The following GRM3 variants were observed in gnomAD, a reference collection of about 807,000 sequenced individuals.
GRM3 encodes glutamate metabotropic receptor 3, also known as metabotropic glutamate receptor 3.
Under a neutral mutation model 70.5 loss-of-function variants are expected in GRM3, and 26 were observed. The observed-to-expected ratio is 0.37, with a 90% CI of 0.27 to 0.51. GRM3 has a LOEUF of 0.51. Among genes scored for constraint, GRM3 ranks in the 20% least tolerant of loss-of-function variants. The pLI is 0.93. For synonymous variants in GRM3, 443 were observed against 434.9 expected, an observed-to-expected ratio of 1.02 and a Z score of -0.23; for missense variants, 859 against 1,123.8, an observed-to-expected ratio of 0.76 and a Z score of 3.37.
chr7:86,662,050 A>G (rs1451786259), intron 1 of GRM3, among the ~76,000 whole-genome samples: 1 of 151,968 alleles, frequency 6.6e-6, no homozygotes, highest in Non-Finnish European at 1.5e-5. Flanking sequence ...TTGCAAGCAC[A>G]CAAACTGCCT....
chr7:86,761,219 A>T (rs1584221585), intron 1 of GRM3, among the ~76,000 whole-genome samples: 1 of 152,150 alleles, frequency 6.6e-6, no homozygotes, highest in African/African-American at 2.4e-5. Context: ...TGTTCAATAA[A>T]TATTTCATAA....
chr7:86,852,928 CCTGA>C (rs539598194), intron 5 of GRM3, among the ~76,000 whole-genome samples: 23 of 152,248 alleles, frequency 1.5e-4, no homozygotes, highest in Non-Finnish European at 2.2e-4. Context: ...AGCCTGATTT[CCTGA>C]CTTTCAATTA....
chr7:86,665,193 G>C (rs1267567042), intron 1 of GRM3, among the ~76,000 whole-genome samples: 1 of 151,912 alleles, frequency 6.6e-6, no homozygotes, highest in Admixed American at 6.6e-5. Flanking sequence ...AAGAAAATGA[G>C]GTAAAGTAAA....
chr7:86,834,102 A>T (rs1417297091), intron 3 of GRM3, among the ~76,000 whole-genome samples: 1 of 152,138 alleles, frequency 6.6e-6, no homozygotes, highest in Non-Finnish European at 1.5e-5. Context: ...AATTATCTTT[A>T]TACTATTTTA....
intron 3 of GRM3, among the ~76,000 whole-genome samples, chr7:86,825,585 C>A (rs915393320): frequency 2.0e-5 from 3 of 152,160 alleles, no homozygotes; most frequent in African/African-American, 2.4e-5. Context: ...AATGCATGTC[C>A]ATGCATTCAT....
At chr7:86,650,679 G>A (rs778303247) in intron 1 of GRM3, among the ~76,000 whole-genome samples, 13 of 152,186 alleles carry the variant, frequency 8.5e-5, no homozygotes, top group Non-Finnish European at 1.8e-4. Flanking sequence ...AGGTCTGAAA[G>A]TGTGAGGAAA....
At chr7:86,764,878 C>A (rs1055362913) in intron 1 of GRM3, 128 bp from the exon 2 acceptor site, 4 of 426,620 alleles carry the variant, frequency 9.4e-6, no homozygotes, top group Non-Finnish European at 1.6e-5. Flanking sequence ...GTGCCTGGTG[C>A]TGTGGTGTAC....
In GRM3 at chr7:86,864,646, A is replaced by C. The variant is rs1311612611; in HGVS notation, c.*291A>C. On this transcript the variant is annotated 3_prime_UTR_variant, in exon 6 of 6. Coordinates refer to ENST00000361669, the MANE Select transcript of GRM3 (RefSeq NM_000840.3). ...GTCAGTCTACTAAAAAACAAAAAAA[A>C]AAAACAAAAAAAAAAAAACAAAAGA... 4.9e-6 allele frequency: 1 copy of C among 204,478 alleles called. No homozygotes were observed. The highest frequency in any genetic ancestry group is 1.9e-4 in the South Asian group (1 of 5,190). 12.7% of individuals were successfully genotyped at this position (204,478 alleles called of 1,614,324 possible). A position where few individuals can be genotyped will look rare whatever the true frequency, so the allele number is the denominator to read the frequency against.
intron 1 of GRM3, among the ~76,000 whole-genome samples, chr7:86,764,774 C>G (rs138254466): frequency 3.5e-4 from 53 of 152,148 alleles, no homozygotes; most frequent in African/African-American, 1.3e-3. Context: ...GTAAGGTCAC[C>G]TCCTTGACCC....
intron 1 of GRM3, among the ~76,000 whole-genome samples, chr7:86,696,960 G>C (rs1794832909): frequency 6.6e-6 from 1 of 152,062 alleles, no homozygotes; most frequent in South Asian, 2.1e-4. Flanking sequence ...TTTCTCCCTT[G>C]TTCTCAGATT....
intron 3 of GRM3, among the ~76,000 whole-genome samples, chr7:86,803,465 T>C (rs1437836356): frequency 6.6e-6 from 1 of 152,234 alleles, no homozygotes; most frequent in African/African-American, 2.4e-5. Flanking sequence ...AAGGAAAGTA[T>C]ACTTTGTTTT....
chr7:86,711,611 C>T (rs1795202033), intron 1 of GRM3, among the ~76,000 whole-genome samples: 1 of 152,108 alleles, frequency 6.6e-6, no homozygotes, highest in Non-Finnish European at 1.5e-5. Context: ...CTTCATCTGG[C>T]TTAGCTTTTC....
chr7:86,649,062 G>A (rs1217831135), intron 1 of GRM3, among the ~76,000 whole-genome samples: 1 of 152,046 alleles, frequency 6.6e-6, no homozygotes, highest in East Asian at 1.9e-4. Context: ...ACACTCACGT[G>A]GATTAGGTTA....
At chr7:86,818,181 T>C (rs1304099470) in intron 3 of GRM3, among the ~76,000 whole-genome samples, 1 of 152,086 alleles carries the variant, frequency 6.6e-6, no homozygotes, top group East Asian at 1.9e-4. Context: ...TAGTTGTTCA[T>C]TCATAATGCA....
At chr7:86,817,318 A>T (rs1294599028) in intron 3 of GRM3, among the ~76,000 whole-genome samples, 1 of 151,966 alleles carries the variant, frequency 6.6e-6, no homozygotes, top group African/African-American at 2.4e-5. Context: ...AAACACCATT[A>T]TCATCTCTGC....
At chr7:86,818,928 A>C (rs1386334613) in intron 3 of GRM3, among the ~76,000 whole-genome samples, 1 of 152,126 alleles carries the variant, frequency 6.6e-6, no homozygotes, top group Non-Finnish European at 1.5e-5. Flanking sequence ...TCTGGGTTCC[A>C]AATTTCAACC....
chr7:86,845,219 G>A (rs1024195941), intron 4 of GRM3, among the ~76,000 whole-genome samples: 1 of 152,134 alleles, frequency 6.6e-6, no homozygotes, highest in African/African-American at 2.4e-5. Context: ...GCAACGCAGA[G>A]TGGGCTAGGA....
chr7:86,747,010 G>T (rs932086064), intron 1 of GRM3, among the ~76,000 whole-genome samples: 1 of 152,048 alleles, frequency 6.6e-6, no homozygotes, highest in African/African-American at 2.4e-5. Context: ...CTCTGGTCCT[G>T]GTAATCAAGT....
chr7:86,763,145 C>T (rs1796521305), intron 1 of GRM3, among the ~76,000 whole-genome samples: 2 of 152,096 alleles, frequency 1.3e-5, no homozygotes, highest in African/African-American at 4.8e-5. Context: ...TATCTGAGAG[C>T]ACATGAATAG....
Sources: allele counts gnomAD v4.1 joint callset (sites outside exome capture counted in the v4.1 genomes callset), GRCh38; gene constraint gnomAD v4.1.1; transcripts MANE v1.5; gene names NCBI Gene and HGNC (gene_info 2026-07-23, HGNC 2026-07-21).